The following ANXA8 variants were observed in gnomAD, a reference collection of about 807,000 sequenced individuals.
The protein encoded by ANXA8 is annexin A8.
ANXA8 carries 9 observed loss-of-function variants against 26.8 expected under a neutral mutation model. The ratio of observed to expected loss-of-function variants is 0.34; its 90% CI spans 0.20 to 0.59. The LOEUF (loss-of-function observed/expected upper bound fraction) is 0.59, where lower values mean the gene tolerates loss of function less well. ANXA8 is among the 20% of genes least tolerant of loss of function. The pLI is 0.84. For missense variants in ANXA8, 83 were observed against 238.5 expected, an observed-to-expected ratio of 0.35 and a Z score of 4.29; for synonymous variants, 39 against 94.8, an observed-to-expected ratio of 0.41 and a Z score of 3.42.
the ANXA8 span, among the ~76,000 whole-genome samples, chr10:47,930,632 T>C: frequency 6.6e-6 from 1 of 152,280 alleles, no homozygotes; most frequent in South Asian, 2.1e-4. Context: ...GGGTCTCCAC[T>C]CCCTCATTAG....
the ANXA8 span, among the ~76,000 whole-genome samples, chr10:47,646,603 A>G: frequency 6.7e-6 from 1 of 149,068 alleles, no homozygotes; most frequent in Non-Finnish European, 1.5e-5. Flanking sequence ...CATTTTTACA[A>G]TATGACCCTT....
chr10:47,695,300 A>T, the ANXA8 span, among the ~76,000 whole-genome samples: 1 of 151,384 alleles, frequency 6.6e-6, no homozygotes, highest in South Asian at 2.1e-4. Flanking sequence ...AGGCGGGACA[A>T]GCACCTGTTG....
the ANXA8 span, among the ~76,000 whole-genome samples, chr10:47,941,042 C>G: frequency 1.4e-5 from 2 of 143,382 alleles, no homozygotes; most frequent in Non-Finnish European, 1.5e-5. Flanking sequence ...ACTTTATCAC[C>G]TGATTGTACT....
At chr10:47,918,525 C>G in the ANXA8 span, among the ~76,000 whole-genome samples, 1 of 37,680 alleles carries the variant, frequency 2.7e-5, no homozygotes, top group East Asian at 3.3e-4. Flanking sequence ...CAGTTCCGGG[C>G]AGGCCTTGGG....
the ANXA8 span, among the ~76,000 whole-genome samples, chr10:47,508,946 C>A: frequency 7.7e-6 from 1 of 129,312 alleles, no homozygotes. Flanking sequence ...ACTACTGATT[C>A]ATGATAAAAC....
At chr10:47,711,383 T>A in the ANXA8 span, among the ~76,000 whole-genome samples, 5 of 149,186 alleles carry the variant, frequency 3.4e-5, 1 homozygote, top group African/African-American at 1.3e-4. Flanking sequence ...GGCTTATGAG[T>A]TATTTTTCCC....
the ANXA8 span, among the ~76,000 whole-genome samples, chr10:47,769,421 A>G: frequency 1.4e-5 from 2 of 147,960 alleles, no homozygotes; most frequent in African/African-American, 5.1e-5. Context: ...GGCCCTCACC[A>G]TGGGAGATGG....
At chr10:47,703,642 A>T in the ANXA8 span, among the ~76,000 whole-genome samples, 3 of 151,850 alleles carry the variant, frequency 2.0e-5, no homozygotes, top group South Asian at 4.2e-4. Context: ...TAAATACTGC[A>T]CCGACACAAA....
chr10:47,655,403 C>T, the ANXA8 span, among the ~76,000 whole-genome samples: 1 of 151,726 alleles, frequency 6.6e-6, no homozygotes, highest in South Asian at 2.1e-4. Flanking sequence ...GGTGAGCACA[C>T]AATTGAACAG....
At chr10:47,668,166 C>T in the ANXA8 span, among the ~76,000 whole-genome samples, 1 of 150,710 alleles carries the variant, frequency 6.6e-6, no homozygotes, top group Non-Finnish European at 1.5e-5. Flanking sequence ...GCTGAATTAT[C>T]TTGACTGGAC....
the ANXA8 span, among the ~76,000 whole-genome samples, chr10:47,945,059 A>C: frequency 6.7e-6 from 1 of 150,038 alleles, no homozygotes; most frequent in African/African-American, 2.5e-5. Context: ...TGGAGTGGAG[A>C]GCTTCTATGT....
chr10:47,560,033 C>T, the ANXA8 span, among the ~76,000 whole-genome samples: 1 of 150,668 alleles, frequency 6.6e-6, no homozygotes, highest in East Asian at 2.0e-4. Flanking sequence ...GGGTTCCATC[C>T]AGCGGAACAT....
the ANXA8 span, among the ~76,000 whole-genome samples, chr10:47,554,648 G>T: frequency 1.3e-5 from 2 of 150,964 alleles, no homozygotes; most frequent in Non-Finnish European, 2.9e-5. Context: ...ACCGGTGCAT[G>T]CAAGGCTCAA....
chr10:47,652,581 AACGAG>A, the ANXA8 span, among the ~76,000 whole-genome samples: 18 of 149,848 alleles, frequency 1.2e-4, no homozygotes, highest in Non-Finnish European at 1.8e-4. Flanking sequence ...TGGTCAACAG[AACGAG>A]ACTGTCTTGA....
chr10:47,490,055 CATG>C, the ANXA8 span, among the ~76,000 whole-genome samples: 2 of 149,900 alleles, frequency 1.3e-5, no homozygotes, highest in African/African-American at 2.5e-5. Context: ...CCAGCTGAGA[CATG>C]AAGCCCAGGC....
chr10:47,985,888 G>A, the ANXA8 span: 8 of 147,772 alleles, frequency 5.4e-5, no homozygotes, highest in Admixed American at 4.0e-4. Flanking sequence ...ACGATTCAGA[G>A]CTTCTGCTGT....
chr10:47,932,505 GC>G, the ANXA8 span, among the ~76,000 whole-genome samples: 4 of 146,894 alleles, frequency 2.7e-5, no homozygotes, highest in Non-Finnish European at 6.0e-5. Flanking sequence ...TCTAGTCCTT[GC>G]CCCCTTGTCT....
chr10:47,762,296 G>A, the ANXA8 span, among the ~76,000 whole-genome samples: 1 of 151,432 alleles, frequency 6.6e-6, no homozygotes, highest in Non-Finnish European at 1.5e-5. Context: ...AGGAGGCTTC[G>A]CCCCGGGGGT....
At chr10:47,674,358 C>G in the ANXA8 span, among the ~76,000 whole-genome samples, 1 of 151,038 alleles carries the variant, frequency 6.6e-6, no homozygotes, top group African/African-American at 2.4e-5. Flanking sequence ...TCTTGAACTC[C>G]TAGGCTCATG....
Sources: gnomAD v4.1 joint callset for allele counts (sites outside exome capture counted in the v4.1 genomes callset) on GRCh38, gnomAD v4.1.1 for gene constraint, MANE v1.5 for transcripts, NCBI Gene and HGNC (gene_info 2026-07-23, HGNC 2026-07-21) for gene names.